The following EMILIN2 variants were observed in gnomAD, a reference collection of about 807,000 sequenced individuals.
EMILIN2 encodes the protein elastin microfibril interfacer 2, also known as EMILIN-2.
EMILIN2 carries 71 observed loss-of-function variants against 87.1 expected under a neutral mutation model. That is an observed-to-expected ratio of 0.82 (90% CI 0.67 to 0.99). The LOEUF (loss-of-function observed/expected upper bound fraction) is 0.99, where lower values mean the gene tolerates loss of function less well. Among genes scored for constraint, EMILIN2 ranks in the 50% least tolerant of loss-of-function variants. The pLI is 0.00. For missense variants in EMILIN2, 1,407 were observed against 1,371.8 expected, an observed-to-expected ratio of 1.03 and a Z score of -0.40; for synonymous variants, 581 against 563.4, an observed-to-expected ratio of 1.03 and a Z score of -0.44.
intron 4 of EMILIN2, among the ~76,000 whole-genome samples, chr18:2,902,140 C>T (rs2076890591): frequency 6.6e-6 from 1 of 152,192 alleles, no homozygotes; most frequent in African/African-American, 2.4e-5. Context: ...ATCAGAACTG[C>T]CTTGTTAGGA....
At chr18:2,907,760 G>T (rs1355783764) in intron 5 of EMILIN2, among the ~76,000 whole-genome samples, 1 of 152,240 alleles carries the variant, frequency 6.6e-6, no homozygotes, top group East Asian at 1.9e-4. Flanking sequence ...CCTCCCAATG[G>T]CACTGTGAAG....
chr18:2,907,580 C>T (rs952639890), intron 5 of EMILIN2, among the ~76,000 whole-genome samples: 5 of 152,226 alleles, frequency 3.3e-5, no homozygotes, highest in Admixed American at 6.5e-5. Flanking sequence ...GAGAAAAGCC[C>T]AGTTCAGTGC....
chr18:2,907,659 GGT>G (rs2076921259), intron 5 of EMILIN2, among the ~76,000 whole-genome samples: 2 of 152,210 alleles, frequency 1.3e-5, no homozygotes, highest in African/African-American at 4.8e-5. Context: ...CAGTGGGGGT[GGT>G]GTCAGAGTAG....
At chr18:2,871,044 T>A (rs9947319) in intron 2 of EMILIN2, among the ~76,000 whole-genome samples, 9,075 of 152,210 alleles carry the variant, frequency 0.06, 918 homozygotes, top group African/African-American at 0.2. Context: ...TTTTAACTTG[T>A]TTTAACTTGA....
In EMILIN2 at chr18:2,885,098, C is replaced by G. The variant is rs752091517; in HGVS notation, c.392C>G (p.Pro131Arg). The change falls in exon 3 of 8, where the codon CCC (proline) becomes CGC (arginine). Residue 131 changes from proline (P) to arginine (R), a missense_variant. Pro to Arg is a moderately radical substitution (Grantham distance 103). Transcript: ENST00000254528. ...GPKDPVKTLR[P>R]TPARPRNSLK... ...AAAGACCCCGTGAAGACCCTCCGCC[C>G]CACGCCGGCTCGGCCTCGAAACAGC... 1.2e-6 allele frequency: 2 copies of G among 1,612,174 alleles called. No homozygotes were observed. The highest frequency in any genetic ancestry group is 2.2e-5 in the East Asian group (1 of 44,822).
chr18:2,883,566 T>G (rs1215029959), intron 2 of EMILIN2, among the ~76,000 whole-genome samples: 2 of 152,220 alleles, frequency 1.3e-5, no homozygotes, highest in Non-Finnish European at 2.9e-5. Flanking sequence ...GGCTTTTGCC[T>G]GTGCTGTGAG....
At chr18:2,906,064 G>A (rs1166164303) in intron 4 of EMILIN2, among the ~76,000 whole-genome samples, 2 of 152,198 alleles carry the variant, frequency 1.3e-5, no homozygotes, top group Non-Finnish European at 2.9e-5. Flanking sequence ...GGGCGGCGGG[G>A]ATGGCGTTTC....
At chr18:2,886,087 TACTCTCTTTC>T (rs2076802126) in intron 3 of EMILIN2, among the ~76,000 whole-genome samples, 1 of 152,254 alleles carries the variant, frequency 6.6e-6, no homozygotes, top group African/African-American at 2.4e-5. Context: ...TATAGAACCT[TACTCTCTTTC>T]CTATGTCTGT....
chr18:2,883,665 CCGG>C (rs1034230837), intron 2 of EMILIN2, among the ~76,000 whole-genome samples: 7 of 152,204 alleles, frequency 4.6e-5, no homozygotes, highest in African/African-American at 1.7e-4. Flanking sequence ...GGGCCCAGGC[CCGG>C]CCTTGAGTCT....
At chr18:2,887,204 TA>T (rs71159018) in intron 3 of EMILIN2, among the ~76,000 whole-genome samples, 1 of 152,106 alleles carries the variant, frequency 6.6e-6, no homozygotes, top group African/African-American at 2.4e-5. Context: ...ATATTGCTGC[TA>T]AAAAAACACC....
Position 2,868,292 on chromosome 18 carries a change from A to G in EMILIN2, c.258-16672A>G, listed in dbSNP as rs527685055. ...TTCCTAGATGGGATGGCGGCGGGGAAGAGGCGCTCCTCACTTTCCAGACTG... is the reference window on the plus strand; with the variant it reads ...TTCCTAGATGGGATGGCGGCGGGGAGGAGGCGCTCCTCACTTTCCAGACTG... On this transcript the variant is annotated intron_variant, in intron 2 of 7. Transcript: ENST00000254528. Among the ~76,000 whole-genome samples the G allele has an allele frequency of 3.8e-3, 569 of 151,576 alleles. 5 individuals carry two copies. Among genetic ancestry groups the G allele is most frequent in the African/African-American group, 0.013 (543 of 41,290 alleles).
intron 2 of EMILIN2, among the ~76,000 whole-genome samples, chr18:2,858,465 C>T (rs1219468992): frequency 7.2e-6 from 1 of 139,588 alleles, no homozygotes; most frequent in Non-Finnish European, 1.5e-5. Flanking sequence ...CCAATTCCAT[C>T]CAGGTTGCTG....
chr18:2,859,048 C>T (rs1160919270), intron 2 of EMILIN2, among the ~76,000 whole-genome samples: 1 of 152,096 alleles, frequency 6.6e-6, no homozygotes, highest in African/African-American at 2.4e-5. Flanking sequence ...GTATCTTTTT[C>T]ATATAATGAC....
intron 2 of EMILIN2, among the ~76,000 whole-genome samples, chr18:2,868,955 G>GT (rs11332432): frequency 1.4e-3 from 208 of 146,122 alleles, no homozygotes; most frequent in Admixed American, 3.3e-3. Flanking sequence ...TTTGAAGGGA[G>GT]TTTTTTTTTT....
In EMILIN2 at chr18:2,913,325, A is replaced by G; in HGVS notation, c.3083A>G (p.Lys1028Arg). The G allele has an allele frequency of 6.2e-7, 1 of 1,613,078 alleles. No individual in the cohort carries two copies. ...GTCAACGTCGTGGTGACTGGGGGCAAGCTGGCTCACACAGACTTTGATGAA... is the reference window on the plus strand; with the variant it reads ...GTCAACGTCGTGGTGACTGGGGGCAGGCTGGCTCACACAGACTTTGATGAA... ...DAVNVVVTGG[K>R]LAHTDFDEMY... Residue 1028 changes from lysine (K) to arginine (R), a missense_variant, in exon 8 of 8, where the codon AAG (lysine) becomes AGG (arginine). By Grantham distance (26) the Lys-to-Arg change is conservative. Transcript: ENST00000254528.
At chr18:2,884,359 C>A (rs571685817) in intron 2 of EMILIN2, among the ~76,000 whole-genome samples, 1 of 152,320 alleles carries the variant, frequency 6.6e-6, no homozygotes, top group Admixed American at 6.5e-5. Flanking sequence ...TCAAACAATT[C>A]TCGTGCCTCA....
rs607411 is a variant in EMILIN2 at position 2,909,833 on chromosome 18, C to T, written c.2824+14C>T. On this transcript the variant is annotated intron_variant, in intron 7 of 7. Transcript: ENST00000254528. The stretch of plus-strand genomic sequence containing the variant: ...ACCCCAGCACCGGTGAGTGTTTGAA[C>T]GGAACTGGTACTGTGTCCTCCTCCT... 2 of 1,612,436 alleles carry T rather than the reference C, an allele frequency of 1.2e-6. No homozygotes were observed. Among genetic ancestry groups the T allele is most frequent in the South Asian group, 1.1e-5 (1 of 90,918 alleles).
intron 4 of EMILIN2, among the ~76,000 whole-genome samples, chr18:2,902,282 G>A (rs770518911): frequency 6.6e-5 from 10 of 152,240 alleles, no homozygotes; most frequent in Non-Finnish European, 1.2e-4. Context: ...TACTTAAATT[G>A]TTCAATGTCA....
chr18:2,891,807 G>T lies in EMILIN2; in HGVS notation c.1680G>T (p.Lys560Asn). ...TTTGCCTGCTGAACATCCAGGGAAAGCCTCATGGGATGGAAGGTGCCTTGC... is the reference window on the plus strand; with the variant it reads ...TTTGCCTGCTGAACATCCAGGGAAATCCTCATGGGATGGAAGGTGCCTTGC... ...EDICLLNIQG[K>N]PHGMEGALPN... The change falls in exon 4 of 8, where the codon AAG becomes AAT. Residue 560 changes from lysine (K) to asparagine (N), a missense_variant. Coordinates refer to ENST00000254528, the MANE Select transcript of EMILIN2 (RefSeq NM_032048.3). This position sits in a 1 kb window ranked among gnomAD's most constrained non-coding sequence, Gnocchi z 4.6. The T allele has an allele frequency of 6.2e-7, 1 of 1,614,234 alleles. No individual in the cohort carries two copies. The highest frequency in any genetic ancestry group is 8.5e-7 in the Non-Finnish European group (1 of 1,180,042).
Sources: gnomAD v4.1 joint callset for allele counts (sites outside exome capture counted in the v4.1 genomes callset) on GRCh38, gnomAD v4.1.1 for gene constraint, Gnocchi (gnomAD v3.1) non-coding constraint, MANE v1.5 for transcripts, NCBI Gene and HGNC (gene_info 2026-07-23, HGNC 2026-07-21) for gene names.